NIPBL: variants seen among roughly 807,000 people sequenced by gnomAD.
The protein encoded by NIPBL is nipped-B-like protein.
A neutral mutation model predicts 321.8 loss-of-function variants in NIPBL; 19 were observed. The ratio of observed to expected loss-of-function variants is 0.06; its 90% confidence interval spans 0.04 to 0.09. The LOEUF (loss-of-function observed/expected upper bound fraction) is 0.09. NIPBL is among the 10% of genes least tolerant of loss of function. The probability of loss-of-function intolerance (pLI) is 1.00; values close to 1 mark genes in which losing one functional copy is unlikely to be tolerated. For missense variants in NIPBL, 2,210 were observed against 3,327.0 expected (o/e 0.66, Z 8.26); for synonymous variants, 1,106 against 1,114.1 (o/e 0.99, Z 0.14).
chr5:36,895,120 C>T (rs1746636509), intron 1 of NIPBL, among the ~76,000 whole-genome samples: 1 of 152,156 alleles, frequency 6.6e-6, no homozygotes, highest in African/African-American at 2.4e-5. Context: ...TCATCACCCC[C>T]CAAAAAACCA....
At chr5:36,886,442 TAGTGGATGGCAG>T in intron 1 of NIPBL, 2 of 743,854 alleles carry the variant, frequency 2.7e-6, no homozygotes, top group Non-Finnish European at 4.9e-6. Context: ...ACCCGCTGGA[TAGTGGATGGCAG>T]AGTGGTGTCT....
intron 10 of NIPBL, among the ~76,000 whole-genome samples, chr5:36,991,529 A>C (rs998014742): frequency 6.6e-6 from 1 of 152,146 alleles, no homozygotes; most frequent in Non-Finnish European, 1.5e-5. Context: ...TATCAAGGAA[A>C]GAATCATTTG....
intron 8 of NIPBL, among the ~76,000 whole-genome samples, chr5:36,972,902 A>G (rs896186633): frequency 6.6e-6 from 1 of 152,122 alleles, no homozygotes; most frequent in Non-Finnish European, 1.5e-5. Flanking sequence ...GTGATCTTCC[A>G]TGGGCCCTCC....
At chr5:36,974,978 T>A (rs1435965620) in intron 8 of NIPBL, among the ~76,000 whole-genome samples, 1 of 152,062 alleles carries the variant, frequency 6.6e-6, no homozygotes, top group Non-Finnish European at 1.5e-5. Context: ...GAAGGAGAAT[T>A]TTTGTCTGAA....
intron 37 of NIPBL, 96 bp from the exon 38 acceptor site, chr5:37,046,013 A>G (rs925277615): frequency 2.8e-6 from 2 of 713,144 alleles, no homozygotes; most frequent in Non-Finnish European, 5.1e-6. Flanking sequence ...AAGTTCACAC[A>G]AATTCTCATT....
chr5:36,902,612 T>G (rs1747318085), intron 1 of NIPBL, among the ~76,000 whole-genome samples: 1 of 152,190 alleles, frequency 6.6e-6, no homozygotes, highest in Non-Finnish European at 1.5e-5. Flanking sequence ...GTATCTGTTT[T>G]TGTACCAGTA....
intron 2 of NIPBL, among the ~76,000 whole-genome samples, chr5:36,954,663 G>T (rs944718019): frequency 2.2e-4 from 33 of 152,008 alleles, no homozygotes; most frequent in African/African-American, 7.2e-4. Flanking sequence ...TTTCCAGGAA[G>T]CCCTGTTCAT....
intron 1 of NIPBL, among the ~76,000 whole-genome samples, chr5:36,948,707 T>A (rs1252875452): frequency 6.6e-6 from 1 of 151,946 alleles, no homozygotes. Context: ...CTCATTGTAA[T>A]CTTGTATCCA....
At chr5:37,023,267 T>C (rs1306559028) in intron 29 of NIPBL, among the ~76,000 whole-genome samples, 2 of 152,198 alleles carry the variant, frequency 1.3e-5, no homozygotes, top group Non-Finnish European at 2.9e-5. Flanking sequence ...ATCAACAGGA[T>C]TCCCACGTAT....
At chr5:36,978,692 G>A (rs1203505954) in intron 9 of NIPBL, among the ~76,000 whole-genome samples, 1 of 151,726 alleles carries the variant, frequency 6.6e-6, no homozygotes. Flanking sequence ...GTTTTTTGCA[G>A]GTTTTCTTCT....
intron 1 of NIPBL, among the ~76,000 whole-genome samples, chr5:36,904,803 A>G (rs1207482220): frequency 1.3e-5 from 2 of 152,188 alleles, no homozygotes; most frequent in Non-Finnish European, 2.9e-5. Context: ...AGCTCACAAC[A>G]TGGCAGCTGA....
chr5:36,901,486 G>A (rs1473393393), intron 1 of NIPBL, among the ~76,000 whole-genome samples: 1 of 145,676 alleles, frequency 6.9e-6, no homozygotes, highest in East Asian at 2.0e-4. Flanking sequence ...TGGGTTGCAT[G>A]GTCCTTCTAA....
chr5:36,888,037 C>G (rs895658022), intron 1 of NIPBL, among the ~76,000 whole-genome samples: 1 of 152,182 alleles, frequency 6.6e-6, no homozygotes, highest in Admixed American at 6.5e-5. Context: ...ATTTGTAACA[C>G]TTCCCTGAAT....
intron 1 of NIPBL, chr5:36,885,752 G>A (rs1366011513): frequency 1.5e-5 from 9 of 605,946 alleles, no homozygotes; most frequent in Non-Finnish European, 2.8e-5. Flanking sequence ...CGACATCCGT[G>A]GGCTCTGCAA....
At position 36,971,974 on chromosome 5, in the gene NIPBL, T is replaced by C; in HGVS notation, c.801T>C (p.Ala267=). The C allele has an allele frequency of 6.2e-7, 1 of 1,612,164 alleles. No individual in the cohort carries two copies. Among genetic ancestry groups the C allele is most frequent in the Non-Finnish European group, 8.5e-7 (1 of 1,178,994 alleles). ...GAGATTCTTCAACAATGAGGAATGCTGCATCTTTTCCCTTGAGATCTCCAC... is the reference window on the plus strand; with the variant it reads ...GAGATTCTTCAACAATGAGGAATGCCGCATCTTTTCCCTTGAGATCTCCAC... ...DDGDSSTMRN[A]ASFPLRSPQP... Residue 267 remains alanine, a synonymous_variant, in exon 8 of 47, where the codon GCT becomes GCC. Coordinates refer to ENST00000282516, the MANE Select transcript of NIPBL (RefSeq NM_133433.4).
chr5:36,889,681 T>C (rs1426671906), intron 1 of NIPBL, among the ~76,000 whole-genome samples: 1 of 152,204 alleles, frequency 6.6e-6, no homozygotes. Flanking sequence ...GATTATCATA[T>C]GTTTCTTATG....
chr5:37,033,737 T>A (rs1229617929), intron 32 of NIPBL, among the ~76,000 whole-genome samples: 18 of 127,766 alleles, frequency 1.4e-4, no homozygotes, highest in African/African-American at 5.4e-4. Context: ...TATATTTTTT[T>A]TTTTTTTTTT....
intron 1 of NIPBL, among the ~76,000 whole-genome samples, chr5:36,898,848 A>G (rs1200643353): frequency 1.3e-5 from 2 of 152,148 alleles, no homozygotes; most frequent in African/African-American, 4.8e-5. Flanking sequence ...AACTTTTTTT[A>G]AAATTTAGTC....
chr5:36,933,849 A>G (rs939547588), intron 1 of NIPBL, among the ~76,000 whole-genome samples: 19 of 151,564 alleles, frequency 1.3e-4, no homozygotes, highest in Non-Finnish European at 1.5e-5. Context: ...TTTATTCTCA[A>G]TTTTCCCAAG....
Sources: gnomAD v4.1 joint callset for allele counts (sites outside exome capture counted in the v4.1 genomes callset) on GRCh38, gnomAD v4.1.1 for gene constraint, MANE v1.5 for transcripts, NCBI Gene and HGNC (gene_info 2026-07-23, HGNC 2026-07-21) for gene names.